S100A8: variants seen among roughly 807,000 people sequenced by gnomAD.
The protein encoded by S100A8 is protein S100-A8.
In S100A8, 1 loss-of-function variant was observed where a neutral mutation model predicts 4.2. The observed-to-expected ratio is 0.24, with a 90% confidence interval of 0.08 to 1.12. The LOEUF is 1.12. S100A8 is among the 50% of genes most tolerant of loss of function. The pLI, the probability that S100A8 is intolerant of heterozygous loss-of-function variation, is 0.53. For synonymous variants in S100A8, 41 were observed against 44.7 expected (o/e 0.92, Z 0.33); for missense variants, 96 against 111.8 (o/e 0.86, Z 0.64).
chr1:153,397,133 G>A, the S100A8 span, among the ~76,000 whole-genome samples: 1 of 152,232 alleles, frequency 6.6e-6, no homozygotes, highest in African/African-American at 2.4e-5. Context: ...CTGAACTGGA[G>A]GCTCCTCTGG....
chr1:153,395,502 C>T (rs142049344), upstream of S100A8, among the ~76,000 whole-genome samples: 1 of 152,182 alleles, frequency 6.6e-6, no homozygotes, highest in Non-Finnish European at 1.5e-5. Flanking sequence ...TTTCTGATGC[C>T]GCCTCCCTCC....
At chr1:153,391,760 G>T (rs899699550), upstream of S100A8, among the ~76,000 whole-genome samples, 4 of 152,128 alleles carry the variant, frequency 2.6e-5, no homozygotes, top group African/African-American at 9.7e-5. Flanking sequence ...AGGCTGCTTG[G>T]GGTCCCTCGG....
At chr1:153,418,140 T>C in the S100A8 span, 19 of 1,614,004 alleles carry the variant, frequency 1.2e-5, no homozygotes, top group African/African-American at 2.3e-4. Flanking sequence ...GTTTCACAAA[T>C]ACACCGGACG....
At chr1:153,403,398 T>C in the S100A8 span, among the ~76,000 whole-genome samples, 2 of 152,212 alleles carry the variant, frequency 1.3e-5, no homozygotes, top group East Asian at 3.8e-4. Context: ...TGACTGTGAA[T>C]GTGAAGGCTG....
At chr1:153,399,999 A>G in the S100A8 span, among the ~76,000 whole-genome samples, 1 of 152,124 alleles carries the variant, frequency 6.6e-6, no homozygotes. Flanking sequence ...CCAAGCTACA[A>G]CTGTGACTTT....
chr1:153,417,830 G>A, the S100A8 span: 1 of 477,102 alleles, frequency 2.1e-6, no homozygotes, highest in East Asian at 3.7e-5. Context: ...TCCACAGCTG[G>A]ACTTCTGCCA....
At chr1:153,396,088 G>A in the S100A8 span, among the ~76,000 whole-genome samples, 8 of 152,342 alleles carry the variant, frequency 5.3e-5, no homozygotes, top group South Asian at 2.1e-4. Context: ...TGAACACTGC[G>A]GGTGGGGACT....
rs1272945593 is a variant in S100A8, at chr1:153,390,287, G to C, written c.142-44C>G. On this transcript the variant is annotated intron_variant, in intron 2 of 2. Transcript: ENST00000368733. ...AAGAAGCCAGAGTTTAAAGATCTCA[G>C]AGAGAGCCGAGGCATAGCCATCTAT... The C allele has an allele frequency of 4.4e-6, 7 of 1,603,868 alleles. No individual in the cohort carries two copies. In the Admixed American group the frequency reaches 1.2e-4, roughly 27 times the overall value.
chr1:153,402,983 G>A, the S100A8 span, among the ~76,000 whole-genome samples: 2 of 152,194 alleles, frequency 1.3e-5, no homozygotes, highest in Admixed American at 1.3e-4. Flanking sequence ...TATTTATTCT[G>A]TGACAAAAGT....
upstream of S100A8, among the ~76,000 whole-genome samples, chr1:153,393,489 C>G (rs753828379): frequency 5.9e-5 from 9 of 152,186 alleles, no homozygotes; most frequent in Non-Finnish European, 1.0e-4. Flanking sequence ...TGACCCTTCC[C>G]TTATCCAAGG....
At chr1:153,406,599 C>T in the S100A8 span, among the ~76,000 whole-genome samples, 941 of 152,320 alleles carry the variant, frequency 6.2e-3, 6 homozygotes, top group Non-Finnish European at 0.01. Flanking sequence ...GCAAAAAGAA[C>T]AAATTGCTTT....
chr1:153,413,606 A>C, the S100A8 span, among the ~76,000 whole-genome samples: 1 of 152,238 alleles, frequency 6.6e-6, no homozygotes, highest in Non-Finnish European at 1.5e-5. Context: ...TGTGTATATA[A>C]GGATAAGACT....
chr1:153,415,592 A>G, the S100A8 span, among the ~76,000 whole-genome samples: 1 of 151,946 alleles, frequency 6.6e-6, no homozygotes, highest in Non-Finnish European at 1.5e-5. Flanking sequence ...ACAACTCCCA[A>G]CTCCTACACA....
the S100A8 span, chr1:153,417,883 T>C: frequency 2.0e-5 from 14 of 685,064 alleles, no homozygotes; most frequent in African/African-American, 2.4e-4. Context: ...ATGGGCCGGG[T>C]CTCAGACTTG....
the S100A8 span, among the ~76,000 whole-genome samples, chr1:153,408,346 C>G: frequency 6.6e-6 from 1 of 152,054 alleles, no homozygotes; most frequent in Non-Finnish European, 1.5e-5. Context: ...GCTTCAGTAG[C>G]CAATTTGATC....
At chr1:153,393,072 A>G (rs12040625), upstream of S100A8, among the ~76,000 whole-genome samples, 13,579 of 152,262 alleles carry the variant, frequency 0.089, 672 homozygotes, top group Middle Eastern at 0.13. Flanking sequence ...TAAGCCCCAC[A>G]GAGAGACATA....
the S100A8 span, among the ~76,000 whole-genome samples, chr1:153,413,322 G>A: frequency 3.3e-5 from 5 of 152,080 alleles, no homozygotes; most frequent in Admixed American, 2.0e-4. Flanking sequence ...GCAAATTATG[G>A]TCTTAAAGCC....
At chr1:153,393,892 G>T (rs181522191), upstream of S100A8, among the ~76,000 whole-genome samples, 50 of 152,326 alleles carry the variant, frequency 3.3e-4, no homozygotes, top group Non-Finnish European at 3.8e-4. Flanking sequence ...CCCTGGTCCA[G>T]TGAGGGAGTC....
chr1:153,391,029 A>G lies in S100A8; in HGVS notation c.-23+12T>C, dbSNP rs530696294. 4 of 987,514 alleles carry G rather than the reference A, an allele frequency of 4.1e-6. No homozygotes were observed. The highest frequency in any genetic ancestry group is 3.6e-6 in the Non-Finnish European group (3 of 831,146). The allele number at this position is 987,514 out of a possible 1,614,324, so 61.2% of individuals were successfully genotyped here. A position where few individuals can be genotyped will look rare whatever the true frequency, so the allele number is the denominator to read the frequency against. Reference sequence around the variant, plus strand: ...CCCAAAGTGCGGGGCCAACCCAGACAGTCCCACTTACCAGGTCTTCTGAAA... The same window carrying G: ...CCCAAAGTGCGGGGCCAACCCAGACGGTCCCACTTACCAGGTCTTCTGAAA... On this transcript the variant is annotated intron_variant, in intron 1 of 2. Coordinates refer to ENST00000368733, the MANE Select transcript of S100A8 (RefSeq NM_002964.5).
Sources: allele counts gnomAD v4.1 joint callset (sites outside exome capture counted in the v4.1 genomes callset), GRCh38; gene constraint gnomAD v4.1.1; transcripts MANE v1.5; gene names NCBI Gene and HGNC (gene_info 2026-07-23, HGNC 2026-07-21).